ADAMTS17: variants seen among roughly 807,000 people sequenced by gnomAD.
ADAMTS17 encodes the protein A disintegrin and metalloproteinase with thrombospondin motifs 17.
A neutral mutation model predicts 141.5 loss-of-function variants in ADAMTS17; 113 were observed. That is an observed-to-expected ratio of 0.80 (90% CI 0.69 to 0.93). The LOEUF (loss-of-function observed/expected upper bound fraction) is 0.93. ADAMTS17 is among the 40% of genes least tolerant of loss of function. The pLI is 0.00. For synonymous variants in ADAMTS17, 768 were observed against 630.6 expected, an observed-to-expected ratio of 1.22 and a Z score of -3.27; for missense variants, 1,659 against 1,517.9, an observed-to-expected ratio of 1.09 and a Z score of -1.54.
intron 3 of ADAMTS17, among the ~76,000 whole-genome samples, chr15:100,322,301 A>G (rs2045756699): frequency 1.3e-5 from 2 of 152,166 alleles, no homozygotes; most frequent in South Asian, 2.1e-4. Context: ...GAAAGGAGAG[A>G]TCCACAAAGG....
chr15:100,313,714 G>A (rs115065988), intron 3 of ADAMTS17, among the ~76,000 whole-genome samples: 3,424 of 151,928 alleles, frequency 0.023, 151 homozygotes, highest in African/African-American at 0.078. Flanking sequence ...TGCTGGACAC[G>A]TACACCCCAA....
In ADAMTS17 at chr15:99,971,501, A is replaced by G. The variant is rs998405702; in HGVS notation, c.*2901T>C. The G allele has an allele frequency of 1.2e-4, 18 of 152,362 alleles. No individual in the cohort carries two copies. The highest frequency in any genetic ancestry group is 4.3e-4 in the African/African-American group (18 of 41,596). The allele number at this position is 152,362 out of a possible 1,614,324, so 9.4% of individuals were successfully genotyped here. A position where few individuals can be genotyped will look rare whatever the true frequency, so the allele number is the denominator to read the frequency against. ...TTCCAATGAAATGATTAATTTTTCT[A>G]TATAATTTTCATGTATAATGGCGTC... is the stretch of plus-strand genomic sequence containing the variant. On this transcript the variant is annotated 3_prime_UTR_variant, in exon 22 of 22. Transcript: ENST00000268070.
chr15:100,117,136 C>CCCT (rs1454848019), intron 12 of ADAMTS17, 123 bp from the exon 13 acceptor site: 1 of 1,148,608 alleles, frequency 8.7e-7, no homozygotes, highest in African/African-American at 1.5e-5. Flanking sequence ...CAAAGCCACC[C>CCCT]CCTCTCTGCT....
At chr15:100,308,751 G>C (rs2045309207) in intron 3 of ADAMTS17, among the ~76,000 whole-genome samples, 1 of 152,160 alleles carries the variant, frequency 6.6e-6, no homozygotes, top group Non-Finnish European at 1.5e-5. Context: ...AGACAACCCA[G>C]TGTACATCAC....
intron 15 of ADAMTS17, among the ~76,000 whole-genome samples, chr15:100,056,282 G>A (rs1365182213): frequency 6.6e-6 from 1 of 152,214 alleles, no homozygotes; most frequent in African/African-American, 2.4e-5. Flanking sequence ...ATATGCATGT[G>A]TCTATTTGGT....
chr15:100,212,601 A>G (rs2041843957), intron 7 of ADAMTS17, among the ~76,000 whole-genome samples: 1 of 151,690 alleles, frequency 6.6e-6, no homozygotes, highest in Non-Finnish European at 1.5e-5. Context: ...TTCCCTAGGA[A>G]AAAAAAAACC....
intron 8 of ADAMTS17, among the ~76,000 whole-genome samples, chr15:100,196,136 G>A (rs950202252): frequency 2.0e-5 from 3 of 152,104 alleles, no homozygotes; most frequent in African/African-American, 7.2e-5. Flanking sequence ...ACATTACCAT[G>A]GCAAGAACTT....
At chr15:100,265,222 T>C (rs2043668201) in intron 4 of ADAMTS17, among the ~76,000 whole-genome samples, 1 of 152,160 alleles carries the variant, frequency 6.6e-6, no homozygotes, top group African/African-American at 2.4e-5. Flanking sequence ...TGAGGTCCCG[T>C]GCCAAGCCAG....
At chr15:100,169,231 C>T (rs1260251002) in intron 8 of ADAMTS17, among the ~76,000 whole-genome samples, 1 of 152,144 alleles carries the variant, frequency 6.6e-6, no homozygotes, top group Admixed American at 6.5e-5. Context: ...CTTCCACTGC[C>T]CAACACATGC....
intron 4 of ADAMTS17, among the ~76,000 whole-genome samples, chr15:100,280,627 A>C (rs1454317981): frequency 6.6e-6 from 1 of 152,106 alleles, no homozygotes; most frequent in Non-Finnish European, 1.5e-5. Context: ...CGTTCCCGCC[A>C]TGTCAAATGA....
At chr15:100,285,961 C>G (rs1277490997) in intron 3 of ADAMTS17, among the ~76,000 whole-genome samples, 2 of 152,168 alleles carry the variant, frequency 1.3e-5, no homozygotes, top group African/African-American at 4.8e-5. Flanking sequence ...CCAGCCTCTC[C>G]TAGGGCCCCA....
intron 15 of ADAMTS17, among the ~76,000 whole-genome samples, chr15:100,070,494 A>T (rs1263813558): frequency 6.7e-6 from 1 of 150,122 alleles, no homozygotes; most frequent in Admixed American, 6.7e-5. Flanking sequence ...AGTTGGAAGT[A>T]AAGTACTCCT....
Position 100,223,679 on chromosome 15 carries a change from ACATATATG to A in ADAMTS17, c.1076-24264_1076-24257del, listed in dbSNP as rs370635528. Among the ~76,000 whole-genome samples the A allele has an allele frequency of 4.7e-3, 713 of 152,022 alleles. 6 individuals carry two copies. Among genetic ancestry groups the A allele is most frequent in the African/African-American group, 0.016 (667 of 41,418 alleles). ...CACACACACACCCACAGACACACAC[ACATATATG>A]TGTATATATACATGTATATATGTAT... On this transcript the variant is annotated intron_variant, in intron 7 of 21. Coordinates refer to ENST00000268070, the MANE Select transcript of ADAMTS17 (RefSeq NM_139057.4).
At chr15:100,034,688 G>A (rs116186239) in intron 18 of ADAMTS17, among the ~76,000 whole-genome samples, 256 of 152,246 alleles carry the variant, frequency 1.7e-3, no homozygotes, top group African/African-American at 5.8e-3. Context: ...AGTCCCTCTC[G>A]GAAAATGTCC....
chr15:99,994,717 T>C (rs112726974), intron 19 of ADAMTS17, among the ~76,000 whole-genome samples: 5 of 152,032 alleles, frequency 3.3e-5, no homozygotes, highest in African/African-American at 4.8e-5. Flanking sequence ...CAGGCGCCCA[T>C]CACCATGCCT....
intron 12 of ADAMTS17, among the ~76,000 whole-genome samples, chr15:100,119,758 C>G (rs2037357783): frequency 6.6e-6 from 1 of 152,222 alleles, no homozygotes; most frequent in African/African-American, 2.4e-5. Context: ...TGCTGCTTCT[C>G]CCTGACAAAT....
rs528583778 is a variant in ADAMTS17 at position 100,326,324 on chromosome 15, C to G, written c.616+4565G>C. 3.3e-5 allele frequency among the ~76,000 whole-genome samples: 5 copies of G among 152,286 alleles called. No individual in the cohort carries two copies. In the East Asian group the frequency reaches 9.6e-4, roughly 29 times the overall value. On this transcript the variant is annotated intron_variant, in intron 3 of 21. Coordinates refer to ENST00000268070, the MANE Select transcript of ADAMTS17 (RefSeq NM_139057.4). ...GGAAAGACTCCAACTACCACTTTTA[C>G]AGCAAAGAACACTGGATACACTACA...
At chr15:100,156,635 T>A (rs918285735) in intron 8 of ADAMTS17, among the ~76,000 whole-genome samples, 1 of 152,212 alleles carries the variant, frequency 6.6e-6, no homozygotes, top group Non-Finnish European at 1.5e-5. Context: ...CATGTTGGGT[T>A]AACCAACGAA....
chr15:100,137,347 T>C (rs1336778896), intron 10 of ADAMTS17, among the ~76,000 whole-genome samples: 1 of 152,210 alleles, frequency 6.6e-6, no homozygotes, highest in East Asian at 1.9e-4. Context: ...TCTTTATCTT[T>C]TCTAGCTGGG....
Sources: gnomAD v4.1 joint callset for allele counts (sites outside exome capture counted in the v4.1 genomes callset) on GRCh38, gnomAD v4.1.1 for gene constraint, MANE v1.5 for transcripts, NCBI Gene and HGNC (gene_info 2026-07-23, HGNC 2026-07-21) for gene names.